The following DDX10 variants were observed in gnomAD, a reference collection of about 807,000 sequenced individuals.
DDX10 encodes DEAD-box helicase 10, also known as probable ATP-dependent RNA helicase DDX10.
DDX10 carries 74 observed loss-of-function variants against 104.3 expected under a neutral mutation model. The ratio of observed to expected loss-of-function variants is 0.71; its 90% confidence interval spans 0.59 to 0.86. The LOEUF is 0.86. DDX10 is among the 40% of genes least tolerant of loss of function. DDX10 has a pLI of 0.00. For synonymous variants in DDX10, 351 were observed against 353.4 expected (o/e 0.99, Z 0.08); for missense variants, 952 against 1,040.0 (o/e 0.92, Z 1.16).
intron 16 of DDX10, among the ~76,000 whole-genome samples, chr11:108,903,873 T>C (rs1296999316): frequency 6.6e-6 from 1 of 152,200 alleles, no homozygotes; most frequent in Non-Finnish European, 1.5e-5. Flanking sequence ...TAAATAATGC[T>C]GCTATGAACG....
chr11:108,929,549 G>C (rs532975583), intron 17 of DDX10: 4 of 152,184 alleles, frequency 2.6e-5, no homozygotes, highest in African/African-American at 7.2e-5. Flanking sequence ...TCCTGATTGT[G>C]ATACTGACTT....
chr11:108,828,511 C>A (rs1862427087), intron 13 of DDX10, among the ~76,000 whole-genome samples: 1 of 151,982 alleles, frequency 6.6e-6, no homozygotes, highest in Admixed American at 6.6e-5. Context: ...AATAGTATTC[C>A]ATTTCTTTAT....
intron 11 of DDX10, among the ~76,000 whole-genome samples, chr11:108,718,151 G>A (rs1293417972): frequency 6.6e-6 from 1 of 150,444 alleles, no homozygotes; most frequent in Non-Finnish European, 1.5e-5. Flanking sequence ...CCTACAGAGC[G>A]AGGCTCTGTC....
intron 13 of DDX10, among the ~76,000 whole-genome samples, chr11:108,772,016 T>C (rs1400806321): frequency 6.6e-6 from 1 of 152,206 alleles, no homozygotes; most frequent in Non-Finnish European, 1.5e-5. Context: ...GTTTGTCCAT[T>C]GTTCTTGCAT....
chr11:108,834,232 A>C (rs1862515801), intron 13 of DDX10, among the ~76,000 whole-genome samples: 1 of 150,226 alleles, frequency 6.7e-6, no homozygotes, highest in African/African-American at 2.4e-5. Context: ...GCCTCCCCAA[A>C]TGCTGGTTAC....
intron 16 of DDX10, among the ~76,000 whole-genome samples, chr11:108,916,481 G>T (rs1039459442): frequency 1.3e-5 from 2 of 152,182 alleles, no homozygotes; most frequent in African/African-American, 4.8e-5. Context: ...ATGTTTAGAG[G>T]TTATCAAAGA....
intron 1 of DDX10, among the ~76,000 whole-genome samples, chr11:108,671,022 G>A (rs1438416034): frequency 6.6e-6 from 1 of 152,136 alleles, no homozygotes; most frequent in African/African-American, 2.4e-5. Context: ...TCCAACAGCC[G>A]TGGGAAGCCT....
rs554153462 is a variant in DDX10, at chr11:108,835,908, C to CT, written c.1966-2535dup. Among the ~76,000 whole-genome samples the CT allele has an allele frequency of 7.2e-5, 11 of 152,068 alleles. No individual in the cohort carries two copies. In the South Asian group the frequency reaches 2.3e-3, roughly 32 times the overall value. On this transcript the variant is annotated intron_variant, in intron 13 of 17. Coordinates refer to ENST00000322536, the MANE Select transcript of DDX10 (RefSeq NM_004398.4). ...TCCATGTTGGGAGATGGGGGTTTTC[C>CT]TTTGGTTTAGCTTTAGGAAGTTTCA...
At chr11:108,761,595 A>G (rs965980957) in intron 13 of DDX10, among the ~76,000 whole-genome samples, 5 of 152,156 alleles carry the variant, frequency 3.3e-5, no homozygotes, top group African/African-American at 1.2e-4. Context: ...TGGGCAGCTC[A>G]GAAAAACATG....
chr11:108,693,711 G>T (rs1450343682), intron 9 of DDX10, 111 bp downstream of exon 9: 3 of 838,162 alleles, frequency 3.6e-6, no homozygotes, highest in Non-Finnish European at 6.1e-6. Context: ...TGCTGGTTTG[G>T]CATTTTGTGG....
chr11:108,694,542 A>G (rs1406315926), intron 9 of DDX10, among the ~76,000 whole-genome samples: 1 of 152,212 alleles, frequency 6.6e-6, no homozygotes. Flanking sequence ...CTTCCTCCCA[A>G]AAGTATCCTA....
chr11:108,859,246 C>T (rs1481427714), intron 16 of DDX10, among the ~76,000 whole-genome samples: 1 of 152,122 alleles, frequency 6.6e-6, no homozygotes, highest in Non-Finnish European at 1.5e-5. Flanking sequence ...ACAAGTCAAA[C>T]CTTTTACACT....
intron 16 of DDX10, among the ~76,000 whole-genome samples, chr11:108,876,056 A>C (rs1014887008): frequency 6.6e-6 from 1 of 152,208 alleles, no homozygotes; most frequent in Admixed American, 6.5e-5. Context: ...TGAATCTTTG[A>C]AAAGTATTAG....
intron 9 of DDX10, among the ~76,000 whole-genome samples, chr11:108,701,268 G>C (rs1279107375): frequency 6.6e-6 from 1 of 152,086 alleles, no homozygotes; most frequent in Non-Finnish European, 1.5e-5. Flanking sequence ...CCTTATGGCT[G>C]TCTTTCTGCA....
At chr11:108,902,602 T>C (rs1314572024) in intron 16 of DDX10, among the ~76,000 whole-genome samples, 1 of 152,188 alleles carries the variant, frequency 6.6e-6, no homozygotes, top group Non-Finnish European at 1.5e-5. Flanking sequence ...AAGGATTTTT[T>C]TTCTCTCATT....
intron 16 of DDX10, among the ~76,000 whole-genome samples, chr11:108,912,294 G>C (rs1331842442): frequency 6.6e-6 from 1 of 152,104 alleles, no homozygotes; most frequent in East Asian, 1.9e-4. Context: ...ATTGGGATTA[G>C]GGTATGGACA....
At chr11:108,918,634 A>ATT (rs543515363) in intron 17 of DDX10, 9 of 151,660 alleles carry the variant, frequency 5.9e-5, no homozygotes, top group Admixed American at 5.9e-4. Flanking sequence ...ACAAAAACAA[A>ATT]TTTTTTTTTA....
At chr11:108,803,199 T>C (rs557427566) in intron 13 of DDX10, among the ~76,000 whole-genome samples, 3 of 152,320 alleles carry the variant, frequency 2.0e-5, no homozygotes, top group African/African-American at 4.8e-5. Flanking sequence ...TATTGCAAGC[T>C]CTCTGCTACC....
At chr11:108,728,662 A>G (rs11212767) in intron 13 of DDX10, among the ~76,000 whole-genome samples, 18,574 of 151,798 alleles carry the variant, frequency 0.12, 1,522 homozygotes, top group East Asian at 0.27. Flanking sequence ...CTTCAGGTGT[A>G]TGCTACCATG....
Sources: allele counts gnomAD v4.1 joint callset (sites outside exome capture counted in the v4.1 genomes callset), GRCh38; gene constraint gnomAD v4.1.1; transcripts MANE v1.5; gene names NCBI Gene and HGNC (gene_info 2026-07-23, HGNC 2026-07-21).